Variants in ARHGAP6 observed in about 807,000 individuals in gnomAD.
The protein encoded by ARHGAP6 is Rho GTPase activating protein 6.
A neutral mutation model predicts 55.7 loss-of-function variants in ARHGAP6; 16 were observed. The observed-to-expected ratio is 0.29, with a 90% CI of 0.19 to 0.44. The LOEUF (loss-of-function observed/expected upper bound fraction) is 0.44. Among genes scored for constraint, ARHGAP6 ranks in the 20% least tolerant of loss-of-function variants. The pLI is 1.00. For missense variants in ARHGAP6, 698 were observed against 808.9 expected (o/e 0.86, Z 1.66); for synonymous variants, 382 against 360.9 (o/e 1.06, Z -0.66).
intron 1 of ARHGAP6, among the ~76,000 whole-genome samples, chrX:11,579,593 T>A (rs1256736845): frequency 8.9e-6 from 1 of 112,197 alleles, no homozygotes; most frequent in Admixed American, 9.4e-5. Flanking sequence ...TACCTTCAGA[T>A]ATGGAAAATT....
At chrX:11,393,443 A>G (rs997251015) in intron 1 of ARHGAP6, among the ~76,000 whole-genome samples, 1 of 111,874 alleles carries the variant, frequency 8.9e-6, no homozygotes, top group Admixed American at 9.5e-5. Context: ...TTCTATGGAT[A>G]TAACAAAATA....
At chrX:11,253,233 C>T (rs2047445953) in intron 2 of ARHGAP6, among the ~76,000 whole-genome samples, 1 of 110,925 alleles carries the variant, frequency 9.0e-6, no homozygotes, top group Admixed American at 9.5e-5. Context: ...CAGACATTGC[C>T]AGATGTCCCC....
chrX:11,277,383 G>C (rs776311237), intron 1 of ARHGAP6, among the ~76,000 whole-genome samples: 3 of 106,551 alleles, frequency 2.8e-5, no homozygotes, highest in Non-Finnish European at 3.8e-5. Flanking sequence ...ATGATTTTGG[G>C]TATATAACTA....
rs761805988 is a variant in ARHGAP6 at position 11,178,365 on chromosome X, C to A, written c.1481-117G>T. On this transcript the variant is annotated intron_variant, in intron 7 of 12. Coordinates refer to ENST00000337414, the MANE Select transcript of ARHGAP6 (RefSeq NM_013427.3). The stretch of plus-strand genomic sequence containing the variant: ...GGGATTATCAAGGCAATTCCCATTT[C>A]ATGCCTTCACTCATTTGCCCATTGC... 2.3e-4 allele frequency: 191 copies of A among 847,528 alleles called. 2 individuals carry two copies. The South Asian group carries it at 5.2e-3, about 23-fold the overall frequency. The allele number at this position is 847,528 out of a possible 1,213,427, so 69.8% of individuals were successfully genotyped here.
chrX:11,165,801 T>C (rs5934971), intron 9 of ARHGAP6, among the ~76,000 whole-genome samples: 23,329 of 109,928 alleles, frequency 0.21, 1,864 homozygotes, highest in Middle Eastern at 0.35. Flanking sequence ...GTGGAGGTCT[T>C]CACTAGAAAG....
At chrX:11,379,761 T>A (rs963570132) in intron 1 of ARHGAP6, among the ~76,000 whole-genome samples, 18 of 110,794 alleles carry the variant, frequency 1.6e-4, no homozygotes, top group African/African-American at 5.6e-4. Context: ...AGGGGAGCTC[T>A]GAGATCATCC....
intron 1 of ARHGAP6, among the ~76,000 whole-genome samples, chrX:11,502,731 T>C (rs59083125): frequency 9.1e-4 from 102 of 111,692 alleles, no homozygotes; most frequent in African/African-American, 3.2e-3. Flanking sequence ...TAGCATTTTC[T>C]TTTCTCTAGC....
intron 1 of ARHGAP6, among the ~76,000 whole-genome samples, chrX:11,553,461 T>C (rs2051290967): frequency 9.0e-6 from 1 of 111,498 alleles, no homozygotes; most frequent in Non-Finnish European, 1.9e-5. Context: ...CAGGCTTTTC[T>C]CGAACTTCTG....
chrX:11,529,008 G>A (rs2051020007), intron 1 of ARHGAP6, among the ~76,000 whole-genome samples: 1 of 111,924 alleles, frequency 8.9e-6, no homozygotes, highest in East Asian at 2.8e-4. Flanking sequence ...GAAAGAAGTT[G>A]GATAGAGCAA....
chrX:11,156,444 A>G, intron 10 of ARHGAP6, 85 bp downstream of exon 10: 1 of 877,400 alleles, frequency 1.1e-6, no homozygotes, highest in Admixed American at 2.8e-5. Flanking sequence ...CCCTGCATGT[A>G]CTTATGTAAA....
intron 1 of ARHGAP6, among the ~76,000 whole-genome samples, chrX:11,543,862 T>C (rs1262429432): frequency 8.9e-6 from 1 of 112,801 alleles, no homozygotes. Context: ...TTCTAGTGCT[T>C]ATTTTGTTAA....
chrX:11,232,442 G>A (rs1472548064), intron 2 of ARHGAP6, among the ~76,000 whole-genome samples: 1 of 109,548 alleles, frequency 9.1e-6, no homozygotes, highest in African/African-American at 3.3e-5. Flanking sequence ...CCAACATGGT[G>A]AAACCTCATC....
At chrX:11,492,926 C>T (rs1474592571) in intron 1 of ARHGAP6, among the ~76,000 whole-genome samples, 1 of 111,607 alleles carries the variant, frequency 9.0e-6, no homozygotes, top group Admixed American at 9.5e-5. Flanking sequence ...TCTTCATACT[C>T]AGTTTCACTC....
rs747534164 is a variant in ARHGAP6, at chrX:11,573,885, T to C, written c.588+90356A>G. On this transcript the variant is annotated intron_variant, in intron 1 of 12. Transcript: ENST00000337414. ...ATAGAGCAGTGGTTTGTGGTTCTCC[T>C]TGAAGAGGTCCTTCACGTCCCTTGT... Among the ~76,000 whole-genome samples, 142 of 111,596 alleles carry C rather than the reference T, an allele frequency of 1.3e-3. 1 individual carries two copies. The highest frequency in any genetic ancestry group is 1.8e-3 in the Non-Finnish European group (94 of 53,118).
intron 1 of ARHGAP6, among the ~76,000 whole-genome samples, chrX:11,435,567 C>A (rs1458905141): frequency 8.9e-6 from 1 of 111,855 alleles, no homozygotes; most frequent in Non-Finnish European, 1.9e-5. Flanking sequence ...CCTTGCAGCA[C>A]CACACCATTG....
intron 1 of ARHGAP6, among the ~76,000 whole-genome samples, chrX:11,522,451 GT>G (rs1461021286): frequency 1.8e-5 from 2 of 111,233 alleles, no homozygotes; most frequent in Non-Finnish European, 3.8e-5. Context: ...CCAGGAGCTG[GT>G]TTTTTGAAAA....
At chrX:11,572,337 C>A (rs1019818337) in intron 1 of ARHGAP6, among the ~76,000 whole-genome samples, 2 of 109,912 alleles carry the variant, frequency 1.8e-5, no homozygotes, top group South Asian at 4.1e-4. Context: ...ATCCCTCCCC[C>A]CTCCTCCCAC....
At chrX:11,229,572 T>C (rs1371017521) in intron 2 of ARHGAP6, among the ~76,000 whole-genome samples, 7 of 112,430 alleles carry the variant, frequency 6.2e-5, no homozygotes, top group Non-Finnish European at 1.1e-4. Context: ...AAATCTTGTA[T>C]GATGAACTCT....
intron 9 of ARHGAP6, among the ~76,000 whole-genome samples, chrX:11,167,448 G>A (rs981255448): frequency 2.7e-5 from 3 of 111,352 alleles, no homozygotes; most frequent in East Asian, 2.8e-4. Flanking sequence ...AGAGAATGCC[G>A]ACATCAATCC....
Sources: gnomAD v4.1 joint callset for allele counts (sites outside exome capture counted in the v4.1 genomes callset) on GRCh38, gnomAD v4.1.1 for gene constraint, MANE v1.5 for transcripts, NCBI Gene and HGNC (gene_info 2026-07-23, HGNC 2026-07-21) for gene names.